The following MSH6 variants were observed in gnomAD, a reference collection of about 807,000 sequenced individuals.
MSH6 encodes mutS homolog 6, also known as DNA mismatch repair protein Msh6.
Under a neutral mutation model 119.1 loss-of-function variants are expected in MSH6, and 85 were observed. That is an observed-to-expected ratio of 0.71 (90% CI 0.60 to 0.85). The LOEUF (loss-of-function observed/expected upper bound fraction) is 0.85, where lower values mean the gene tolerates loss of function less well. Among genes scored for constraint, MSH6 ranks in the 40% least tolerant of loss-of-function variants. The pLI, the probability that MSH6 is intolerant of heterozygous loss-of-function variation, is 0.00. For missense variants in MSH6, 2,163 were observed against 1,655.3 expected (o/e 1.31, Z -5.32); for synonymous variants, 830 against 586.9 (o/e 1.41, Z -5.99).
At chr2:47,808,316 G>A, downstream of MSH6, 1 of 1,612,548 alleles carries the variant, frequency 6.2e-7, no homozygotes, top group African/African-American at 1.3e-5. Context: ...TATCAAGCAA[G>A]TGTGCTACAT....
chr2:47,806,152 T>G, intron 7 of MSH6, 52 bp from the exon 8 acceptor site: 1 of 1,578,218 alleles, frequency 6.3e-7, no homozygotes. Context: ...TTAATTCCTT[T>G]TTTGTTTTAA....
intron 4 of MSH6, among the ~76,000 whole-genome samples, chr2:47,802,484 T>G (rs1466449257): frequency 1.3e-5 from 2 of 151,720 alleles, no homozygotes; most frequent in African/African-American, 2.4e-5. Context: ...GTGGTCACCA[T>G]CACACCTGGC....
intron 3 of MSH6, 110 bp downstream of exon 3, chr2:47,796,173 T>A: frequency 9.2e-7 from 1 of 1,086,186 alleles, no homozygotes; most frequent in Non-Finnish European, 1.4e-6. Flanking sequence ...TGTATATGTA[T>A]TATTTTATTA....
At chr2:47,795,481 A>G (rs1365907286) in intron 2 of MSH6, among the ~76,000 whole-genome samples, 1 of 93,034 alleles carries the variant, frequency 1.1e-5, no homozygotes, top group Non-Finnish European at 2.4e-5. Flanking sequence ...TTTTTTTTTC[A>G]TCGAGACAGG....
At chr2:47,803,768 C>T (rs924460957) in intron 5 of MSH6, 83 bp downstream of exon 5, 5 of 1,545,784 alleles carry the variant, frequency 3.2e-6, no homozygotes, top group Middle Eastern at 1.8e-4. Flanking sequence ...TTTCCAAACA[C>T]AGTTACATAA....
chr2:47,807,648 T>C (rs1670315194), downstream of MSH6: 2 of 215,488 alleles, frequency 9.3e-6, no homozygotes, highest in Non-Finnish European at 1.8e-5. Flanking sequence ...AAATCATATT[T>C]CTCAATCTGA....
rs1166897889 is a variant in MSH6, at chr2:47,805,733, AGACT to A, written c.3646+27_3646+30del. On this transcript the variant is annotated intron_variant, in intron 7 of 9. Transcript: ENST00000234420. ...GTAAGACATTAAACTTCTCATTTGA[AGACT>A]ATCTATCTTAAAAACATTTGTACAA... 2.3e-5 allele frequency: 29 copies of A among 1,254,966 alleles called. No homozygotes were observed. In the African/African-American group the frequency reaches 6.1e-4, roughly 27 times the overall value. 77.7% of individuals were successfully genotyped at this position (1,254,966 alleles called of 1,614,324 possible).
At chr2:47,783,950 G>T (rs951507368) in intron 1 of MSH6, 4 of 1,030,864 alleles carry the variant, frequency 3.9e-6, no homozygotes, top group South Asian at 4.6e-5. Context: ...GAGGCCGAAC[G>T]GGGAGAGTCC....
In MSH6 at chr2:47,800,642, C is replaced by G. The variant is rs1423320900; in HGVS notation, c.2659C>G (p.Leu887Val). Reference protein sequence around the residue: ...EVADGFKSKILKQVISLQTKN... With the variant: ...EVADGFKSKIVKQVISLQTKN... ...TGCTGATGGTTTTAAGTCTAAAATC[C>G]TTAAGCAGGTCATCTCTCTGCAGAC... Residue 887 changes from leucine (L) to valine (V), a missense_variant, in exon 4 of 10, where the codon CTT (leucine) becomes GTT (valine). Transcript: ENST00000234420. 8.7e-6 allele frequency: 14 copies of G among 1,614,108 alleles called. No homozygotes were observed. Among genetic ancestry groups the G allele is most frequent in the South Asian group, 3.3e-5 (3 of 91,066 alleles).
intron 1 of MSH6, chr2:47,784,244 T>A: frequency 1.0e-6 from 1 of 999,242 alleles, no homozygotes; most frequent in Non-Finnish European, 1.2e-6. Flanking sequence ...CTTCGGTAGG[T>A]AGGCTGCACG....
In MSH6 at chr2:47,800,653, C is replaced by T. The variant is rs863224625; in HGVS notation, c.2670C>T (p.Val890=). ...DGFKSKILKQ[V]ISLQTKNPEG... The stretch of plus-strand genomic sequence containing the variant: ...TTAAGTCTAAAATCCTTAAGCAGGT[C>T]ATCTCTCTGCAGACAAAAAATCCTG... Residue 890 remains valine, a synonymous_variant, in exon 4 of 10, where the codon GTC becomes GTT. Transcript: ENST00000234420. The T allele has an allele frequency of 6.2e-7, 1 of 1,614,142 alleles. No individual in the cohort carries two copies.
chr2:47,783,365 A>C lies in MSH6; in HGVS notation c.132A>C (p.Pro44=), dbSNP rs1553408257. ...CTGCCCCCGGGGCCTCTCCTTCCCCAGGCGGGGATGCGGCCTGGAGCGAGG... is the reference window on the plus strand; with the variant it reads ...CTGCCCCCGGGGCCTCTCCTTCCCCCGGCGGGGATGCGGCCTGGAGCGAGG... The part of the protein sequence containing the change: ...AAAAPGASPS[P]GGDAAWSEAG... Residue 44 remains proline, a synonymous_variant, in exon 1 of 10, where the codon CCA becomes CCC. Coordinates refer to ENST00000234420, the MANE Select transcript of MSH6 (RefSeq NM_000179.3). 1 of 1,604,326 alleles carries C rather than the reference A, an allele frequency of 6.2e-7. No individual in the cohort carries two copies. Among genetic ancestry groups the C allele is most frequent in the Non-Finnish European group, 8.5e-7 (1 of 1,175,796 alleles).
At chr2:47,788,570 CTTTTTTT>C (rs531963943) in intron 1 of MSH6, among the ~76,000 whole-genome samples, 2 of 104,870 alleles carry the variant, frequency 1.9e-5, no homozygotes, top group Admixed American at 1.1e-4. Flanking sequence ...TTTTCTTTTT[CTTTTTTT>C]TTTTTTTTTT....
At chr2:47,790,263 A>C (rs1486119137) in intron 1 of MSH6, among the ~76,000 whole-genome samples, 1 of 152,206 alleles carries the variant, frequency 6.6e-6, no homozygotes, top group African/African-American at 2.4e-5. Context: ...CTCTACAAAA[A>C]AAAGGTAAAA....
chr2:47,808,283 AG>A (rs746291458), downstream of MSH6: 7 of 1,612,710 alleles, frequency 4.3e-6, no homozygotes, highest in South Asian at 6.6e-5. Context: ...TAGAAAAGTG[AG>A]GGGGAAAGTA....
intron 1 of MSH6, among the ~76,000 whole-genome samples, chr2:47,785,521 AG>A (rs1235907689): frequency 6.6e-6 from 1 of 152,186 alleles, no homozygotes; most frequent in East Asian, 1.9e-4. Context: ...CCCGGCCGCT[AG>A]TTAGTGGTTT....
At chr2:47,802,667 T>C (rs1174534677) in intron 4 of MSH6, among the ~76,000 whole-genome samples, 1 of 145,610 alleles carries the variant, frequency 6.9e-6, no homozygotes, top group Non-Finnish European at 1.5e-5. Context: ...TAAATAATGG[T>C]AGTTTACTTG....
rs1226334731 is a variant in MSH6 at position 47,801,351 on chromosome 2, CCTTT to C, written c.3172+200_3172+203del. The C allele has an allele frequency of 3.8e-5, 8 of 212,552 alleles. 2 individuals are homozygous for C. The highest frequency in any genetic ancestry group is 8.5e-5 in the East Asian group (1 of 11,706). 13.2% of individuals were successfully genotyped at this position (212,552 alleles called of 1,614,324 possible). The stretch of plus-strand genomic sequence containing the variant: ...CGCTTTTATCTTAGTAGCCCTTTGG[CCTTT>C]CTTCAGTTTTTTTTTTTTTTTTTTT... On this transcript the variant is annotated intron_variant, in intron 4 of 9. Transcript: ENST00000234420.
chr2:47,803,785 G>A lies in MSH6; in HGVS notation c.3438+100G>A, dbSNP rs1669781361. On this transcript the variant is annotated intron_variant, in intron 5 of 9. Transcript: ENST00000234420. ...TCCAAACACAGTTACATAAAAGTCA[G>A]CCAGTGACTTAATAGGAAGCAAAGG... is the stretch of plus-strand genomic sequence containing the variant. 4.3e-6 allele frequency: 6 copies of A among 1,397,604 alleles called. No individual in the cohort carries two copies. The South Asian group carries it at 4.8e-5, about 11-fold the overall frequency. The allele number at this position is 1,397,604 out of a possible 1,614,324, so 86.6% of individuals were successfully genotyped here.
Sources: gnomAD v4.1 joint callset for allele counts (sites outside exome capture counted in the v4.1 genomes callset) on GRCh38, gnomAD v4.1.1 for gene constraint, MANE v1.5 for transcripts, NCBI Gene and HGNC (gene_info 2026-07-23, HGNC 2026-07-21) for gene names.